The following PLA2G4E variants were observed in gnomAD, a reference collection of about 807,000 sequenced individuals.
PLA2G4E encodes the protein cytosolic phospholipase A2 epsilon.
A neutral mutation model predicts 109.1 loss-of-function variants in PLA2G4E; 84 were observed. That is an observed-to-expected ratio of 0.77 (90% CI 0.65 to 0.92). The LOEUF (loss-of-function observed/expected upper bound fraction) is 0.92, where lower values mean the gene tolerates loss of function less well. Ranked by LOEUF, PLA2G4E falls within the 40% of genes least tolerant of loss-of-function variation. The probability of loss-of-function intolerance (pLI) is 0.00; values close to 1 mark genes in which losing one functional copy is unlikely to be tolerated. For missense variants in PLA2G4E, 1,057 were observed against 1,076.6 expected, an observed-to-expected ratio of 0.98 and a Z score of 0.25; for synonymous variants, 469 against 436.1, an observed-to-expected ratio of 1.08 and a Z score of -0.94.
rs1555386330 is a variant in PLA2G4E at position 42,002,287 on chromosome 15, A to AAAT, written c.609+366_609+367insATT. On this transcript the variant is annotated intron_variant, in intron 6 of 19. Transcript: ENST00000399518. ...CTCAAAAAAAAAAAAAAAAAAAAAA[A>AAAT]GGTAAACTGTGCTTGTAGAATTACT... is the stretch of plus-strand genomic sequence containing the variant. Among the ~76,000 whole-genome samples the AAAT allele has an allele frequency of 2.6e-4, 37 of 140,892 alleles. 2 individuals are homozygous for AAAT. The highest frequency in any genetic ancestry group is 1.0e-3 in the African/African-American group (37 of 35,728). 92.4% of individuals were successfully genotyped at this position (140,892 alleles called of 152,430 possible).
intron 1 of PLA2G4E, among the ~76,000 whole-genome samples, chr15:42,049,659 G>C (rs1889474338): frequency 6.6e-6 from 1 of 152,176 alleles, no homozygotes. Context: ...AGGAGGCAGA[G>C]ACCAGAGGGG....
At chr15:41,998,820 G>A (rs1463137441) in intron 10 of PLA2G4E, 1 of 152,280 alleles carries the variant, frequency 6.6e-6, no homozygotes, top group Non-Finnish European at 1.5e-5. Context: ...TTGGGAAGCC[G>A]AGGAGGGTGG....
At chr15:41,999,475 C>A (rs2141040556) in intron 10 of PLA2G4E, 49 bp downstream of exon 10, 1 of 1,362,960 alleles carries the variant, frequency 7.3e-7, no homozygotes, top group East Asian at 2.3e-5. Context: ...CACTGCACAC[C>A]CACTGCTATG....
At chr15:42,036,463 A>T (rs1889217414) in intron 1 of PLA2G4E, among the ~76,000 whole-genome samples, 1 of 152,236 alleles carries the variant, frequency 6.6e-6, no homozygotes, top group East Asian at 1.9e-4. Flanking sequence ...CCAGCGGGGC[A>T]GCCATTGCTG....
chr15:41,995,290 C>T, intron 12 of PLA2G4E, 70 bp downstream of exon 12: 2 of 1,566,898 alleles, frequency 1.3e-6, no homozygotes, highest in East Asian at 2.3e-5. Context: ...AGGAGCTTCA[C>T]CTGAGACCCC....
intron 1 of PLA2G4E, among the ~76,000 whole-genome samples, chr15:42,029,071 A>C (rs918334590): frequency 1.3e-5 from 2 of 152,078 alleles, no homozygotes; most frequent in Non-Finnish European, 2.9e-5. Flanking sequence ...CAAAATATTA[A>C]GGGCCAGCTT....
chr15:42,006,893 A>G (rs1415741194), intron 3 of PLA2G4E, among the ~76,000 whole-genome samples: 2 of 152,226 alleles, frequency 1.3e-5, no homozygotes, highest in African/African-American at 4.8e-5. Context: ...GAACCAACCC[A>G]GCAGCTCCAC....
intron 1 of PLA2G4E, among the ~76,000 whole-genome samples, chr15:42,014,513 T>C (rs1184606441): frequency 6.6e-6 from 1 of 152,176 alleles, no homozygotes; most frequent in South Asian, 2.1e-4. Flanking sequence ...CCAGGCAAGA[T>C]GGCAGCCTGC....
At chr15:42,044,435 A>T (rs926447391) in intron 1 of PLA2G4E, among the ~76,000 whole-genome samples, 16 of 152,042 alleles carry the variant, frequency 1.1e-4, no homozygotes, top group African/African-American at 9.7e-5. Context: ...GGGCACGGTG[A>T]GGAAGGAGTG....
intron 12 of PLA2G4E, among the ~76,000 whole-genome samples, chr15:41,993,207 A>G (rs1020932339): frequency 1.3e-5 from 2 of 152,380 alleles, no homozygotes; most frequent in East Asian, 3.9e-4. Flanking sequence ...ACAGTGGTTA[A>G]GATGAAGATT....
chr15:42,008,538 T>C (rs1038712123), intron 2 of PLA2G4E, among the ~76,000 whole-genome samples: 1 of 152,220 alleles, frequency 6.6e-6, no homozygotes, highest in Non-Finnish European at 1.5e-5. Context: ...TCATTCTAAA[T>C]GAACAACCCA....
At chr15:42,009,184 CA>C (rs1438961505) in intron 2 of PLA2G4E, 1 of 152,230 alleles carries the variant, frequency 6.6e-6, no homozygotes, top group African/African-American at 2.4e-5. Flanking sequence ...TGAAACCCAA[CA>C]GAATCAAAAG....
At chr15:42,027,959 T>A (rs1303886918) in intron 1 of PLA2G4E, among the ~76,000 whole-genome samples, 1 of 152,252 alleles carries the variant, frequency 6.6e-6, no homozygotes, top group African/African-American at 2.4e-5. Flanking sequence ...TTTCTTATTC[T>A]TTTTGCCTTT....
intron 7 of PLA2G4E, 78 bp downstream of exon 7, chr15:42,001,079 G>C (rs191349279): frequency 1.1e-5 from 16 of 1,438,938 alleles, no homozygotes; most frequent in Non-Finnish European, 1.5e-5. Flanking sequence ...CCCTGGACTA[G>C]GTGGAGTCTG....
In PLA2G4E at chr15:41,987,394, T is replaced by G; in HGVS notation, c.1832-19A>C. On this transcript the variant is annotated intron_variant, in intron 16 of 19. Coordinates refer to ENST00000399518, the Ensembl canonical transcript of PLA2G4E. ...TCGTCTTCTGCAGGGGAGGGAGGGA[T>G]GAAGGGCAGGTCATGAGAGGTGGAG... The G allele has an allele frequency of 1.9e-6, 3 of 1,605,754 alleles. No individual in the cohort carries two copies. Among genetic ancestry groups the G allele is most frequent in the South Asian group, 1.1e-5 (1 of 90,698 alleles).
At chr15:42,030,591 T>C (rs947593694) in intron 1 of PLA2G4E, among the ~76,000 whole-genome samples, 7 of 152,154 alleles carry the variant, frequency 4.6e-5, no homozygotes, top group African/African-American at 1.7e-4. Context: ...GAGAGGGAGA[T>C]GGTGGGAGGC....
At position 42,013,676 on chromosome 15, in the gene PLA2G4E, G is replaced by A; in HGVS notation, c.256+9C>T. ...AGCAGAGAAGGAGAGAAGTGAGGTG[G>A]ATACTCACGCATATCAGCCTGCCGG... On this transcript the variant is annotated intron_variant, in intron 2 of 19. Transcript: ENST00000399518. 6.5e-7 allele frequency: 1 copy of A among 1,548,738 alleles called. No individual in the cohort carries two copies. Among genetic ancestry groups the A allele is most frequent in the East Asian group, 2.4e-5 (1 of 40,912 alleles).
At chr15:42,000,212 G>A (rs1443961600) in exon 8 of PLA2G4E, 1 of 1,590,270 alleles carries the variant, frequency 6.3e-7, no homozygotes, top group Admixed American at 1.8e-5. Context: ...TTGGGCAGCA[G>A]GGTTCCAAGC....
chr15:42,003,148 G>A lies in PLA2G4E; in HGVS notation c.567-452C>T, dbSNP rs898033816. Among the ~76,000 whole-genome samples, 4 of 152,348 alleles carry A rather than the reference G, an allele frequency of 2.6e-5. No homozygotes were observed. In the South Asian group the frequency reaches 8.3e-4, roughly 32 times the overall value. On this transcript the variant is annotated intron_variant, in intron 5 of 19. Coordinates refer to ENST00000399518, the Ensembl canonical transcript of PLA2G4E. ...CCAGCTGAGAGGGTGAATGTTAAATGCCCTTGTGTTATAAAGTTGAGAACA... is the reference window on the plus strand; with the variant it reads ...CCAGCTGAGAGGGTGAATGTTAAATACCCTTGTGTTATAAAGTTGAGAACA...
Sources: gnomAD v4.1 joint callset for allele counts (sites outside exome capture counted in the v4.1 genomes callset) on GRCh38, gnomAD v4.1.1 for gene constraint, MANE v1.5 for transcripts, NCBI Gene and HGNC (gene_info 2026-07-23, HGNC 2026-07-21) for gene names.